Variants in NOL4 observed in about 807,000 individuals in gnomAD.
The protein encoded by NOL4 is cancer/testis antigen 125.
In NOL4, 17 loss-of-function variants were observed where a neutral mutation model predicts 75.9. The observed-to-expected ratio is 0.22, with a 90% CI of 0.15 to 0.34. The LOEUF is 0.34. Ranked by LOEUF, NOL4 falls within the 10% of genes least tolerant of loss-of-function variation. NOL4 has a pLI of 1.00. For missense variants in NOL4, 614 were observed against 793.5 expected (o/e 0.77, Z 2.72); for synonymous variants, 292 against 289.9 (o/e 1.01, Z -0.07).
At chr18:34,105,181 C>G in intron 2 of NOL4, 21 bp from the exon 3 acceptor site, 10 of 1,453,616 alleles carry the variant, frequency 6.9e-6, no homozygotes, top group Non-Finnish European at 9.7e-6. Flanking sequence ...TCACAAAATA[C>G]AGGTGTTATT....
At chr18:34,144,708 G>A (rs2081327619) in intron 1 of NOL4, among the ~76,000 whole-genome samples, 1 of 152,118 alleles carries the variant, frequency 6.6e-6, no homozygotes. Context: ...CAATTGGTAA[G>A]ATAATATACA....
chr18:34,104,312 T>C (rs1001928854), intron 3 of NOL4, among the ~76,000 whole-genome samples, 153 bp from the exon 4 acceptor site: 2 of 152,062 alleles, frequency 1.3e-5, no homozygotes, highest in African/African-American at 4.8e-5. Flanking sequence ...AAAAAACAAC[T>C]AGTAAGGTTC....
chr18:34,191,545 A>G (rs891203243), intron 1 of NOL4, among the ~76,000 whole-genome samples: 6 of 152,112 alleles, frequency 3.9e-5, no homozygotes, highest in Non-Finnish European at 8.8e-5. Context: ...CCACGTCATG[A>G]TAATTCTATC....
chr18:33,903,159 G>A (rs920971476), intron 9 of NOL4, among the ~76,000 whole-genome samples: 44 of 152,106 alleles, frequency 2.9e-4, no homozygotes, highest in Admixed American at 2.8e-3. Context: ...GTATGGCTGG[G>A]GAGGCCTCAG....
chr18:33,927,709 T>C (rs2067427685), intron 9 of NOL4, among the ~76,000 whole-genome samples: 1 of 152,136 alleles, frequency 6.6e-6, no homozygotes, highest in Non-Finnish European at 1.5e-5. Flanking sequence ...AGATTTTAAC[T>C]AAAAATACAA....
intron 5 of NOL4, among the ~76,000 whole-genome samples, chr18:34,030,105 T>C (rs1029869731): frequency 2.0e-5 from 3 of 152,202 alleles, no homozygotes; most frequent in African/African-American, 7.2e-5. Flanking sequence ...AAAGTCAAAG[T>C]AAAGTAATGA....
At chr18:34,123,331 G>C (rs1387866197) in intron 2 of NOL4, among the ~76,000 whole-genome samples, 3 of 151,312 alleles carry the variant, frequency 2.0e-5, no homozygotes, top group Non-Finnish European at 3.0e-5. Flanking sequence ...GTTTCCTTCT[G>C]AGATGTTGTA....
intron 1 of NOL4, among the ~76,000 whole-genome samples, chr18:34,167,870 G>A (rs964068065): frequency 6.6e-6 from 1 of 151,920 alleles, no homozygotes; most frequent in African/African-American, 2.4e-5. Context: ...CAAGGAATTG[G>A]AGGGAAAGGA....
At chr18:33,972,527 G>A (rs764593408) in intron 6 of NOL4, among the ~76,000 whole-genome samples, 18 of 152,062 alleles carry the variant, frequency 1.2e-4, no homozygotes, top group African/African-American at 1.7e-4. Flanking sequence ...TTGTAAAATC[G>A]TGCAACTAAC....
At chr18:34,013,668 T>C (rs765443194) in intron 6 of NOL4, among the ~76,000 whole-genome samples, 6 of 151,956 alleles carry the variant, frequency 3.9e-5, no homozygotes, top group Non-Finnish European at 7.4e-5. Flanking sequence ...ATTTAACCAA[T>C]GAGAATTAAC....
At chr18:33,874,599 C>T (rs2063845646) in intron 10 of NOL4, among the ~76,000 whole-genome samples, 1 of 151,890 alleles carries the variant, frequency 6.6e-6, no homozygotes, top group African/African-American at 2.4e-5. Flanking sequence ...AGCAAAAATC[C>T]ATCTTTTGTT....
At chr18:34,039,763 C>T (rs888414205) in intron 5 of NOL4, among the ~76,000 whole-genome samples, 4 of 151,952 alleles carry the variant, frequency 2.6e-5, no homozygotes, top group African/African-American at 7.2e-5. Context: ...CATATACAGA[C>T]GGTTCCTGAC....
chr18:34,046,636 ATG>A (rs1568268950), intron 5 of NOL4, among the ~76,000 whole-genome samples: 4 of 139,318 alleles, frequency 2.9e-5, no homozygotes, highest in African/African-American at 2.6e-5. Context: ...ATATATATAT[ATG>A]TATATGTACT....
chr18:34,187,032 A>G (rs2034513236), intron 1 of NOL4, among the ~76,000 whole-genome samples: 1 of 152,190 alleles, frequency 6.6e-6, no homozygotes, highest in Non-Finnish European at 1.5e-5. Context: ...TACCTTGGCA[A>G]TCATTATCAC....
At chr18:34,014,221 T>A (rs1469225699) in intron 6 of NOL4, among the ~76,000 whole-genome samples, 1 of 151,832 alleles carries the variant, frequency 6.6e-6, no homozygotes, top group Non-Finnish European at 1.5e-5. Flanking sequence ...AAATTAAAGA[T>A]TAATTGAAAA....
chr18:33,852,944 T>C lies in NOL4; in HGVS notation c.1815A>G (p.Glu605=), dbSNP rs202025550. Residue 605 remains glutamate (E), a synonymous_variant, in exon 11 of 11, where the codon GAA becomes GAG. Coordinates refer to ENST00000261592, the MANE Select transcript of NOL4 (RefSeq NM_003787.5). The part of the protein sequence containing the change: ...SNSRPQLSPT[E]INAVRQLVAG... ...CAACAAGCTGTCTCACGGCATTGAT[T>C]TCAGTTGGACTCAGCTGGGGTCTGG... 2.7e-5 allele frequency: 44 copies of C among 1,613,096 alleles called. 1 individual carries two copies. The highest frequency in any genetic ancestry group is 1.7e-5 in the Admixed American group (1 of 59,854).
chr18:34,103,454 C>T (rs1427390529), intron 4 of NOL4, among the ~76,000 whole-genome samples: 1 of 151,936 alleles, frequency 6.6e-6, no homozygotes, highest in Non-Finnish European at 1.5e-5. Context: ...CAGCATGTTG[C>T]TAAATTTTCA....
chr18:34,016,229 T>C (rs2074685357), intron 6 of NOL4, among the ~76,000 whole-genome samples: 1 of 152,118 alleles, frequency 6.6e-6, no homozygotes, highest in Non-Finnish European at 1.5e-5. Flanking sequence ...TTCTTTCTCA[T>C]TGTCAGTTAT....
At chr18:34,102,672 C>A (rs565432480) in intron 4 of NOL4, among the ~76,000 whole-genome samples, 48 of 152,088 alleles carry the variant, frequency 3.2e-4, no homozygotes, top group African/African-American at 1.1e-3. Context: ...AGTGGATCTT[C>A]TTACATTTTG....
Sources: gnomAD v4.1 joint callset for allele counts (sites outside exome capture counted in the v4.1 genomes callset) on GRCh38, gnomAD v4.1.1 for gene constraint, MANE v1.5 for transcripts, NCBI Gene and HGNC (gene_info 2026-07-23, HGNC 2026-07-21) for gene names.